Variants in ZNF469 observed in about 807,000 individuals in gnomAD.
ZNF469 encodes the protein zinc finger protein 469.
Under a neutral mutation model 1.0 loss-of-function variants are expected in ZNF469, and 1 was observed. The ratio of observed to expected loss-of-function variants is 1.00; its 90% CI spans 0.35 to 4.73. The LOEUF (loss-of-function observed/expected upper bound fraction) is 4.73, where lower values mean the gene tolerates loss of function less well. ZNF469 is among the 30% of genes most tolerant of loss of function. The probability of loss-of-function intolerance (pLI) is 0.16; values close to 1 mark genes in which losing one functional copy is unlikely to be tolerated. For missense variants in ZNF469, 6,100 were observed against 5,356.3 expected (o/e 1.14, Z -4.33); for synonymous variants, 2,703 against 2,363.4 (o/e 1.14, Z -4.17).
the ZNF469 span, among the ~76,000 whole-genome samples, chr16:88,184,471 C>A: frequency 1.3e-5 from 2 of 151,882 alleles, no homozygotes; most frequent in Non-Finnish European, 2.9e-5. Context: ...ACATCGTCTT[C>A]GTTTCCTCTG....
At chr16:88,326,891 G>T in the ZNF469 span, among the ~76,000 whole-genome samples, 1 of 152,150 alleles carries the variant, frequency 6.6e-6, no homozygotes, top group African/African-American at 2.4e-5. Context: ...AGTACCCAAT[G>T]CCCACCTGGC....
chr16:88,222,829 C>T, the ZNF469 span, among the ~76,000 whole-genome samples: 2 of 152,184 alleles, frequency 1.3e-5, no homozygotes, highest in East Asian at 3.9e-4. Context: ...GAACTCCTGG[C>T]CTCAAACGAT....
intron 1 of ZNF469, among the ~76,000 whole-genome samples, chr16:88,388,407 G>A (rs962668732): frequency 6.6e-5 from 10 of 152,252 alleles, no homozygotes; most frequent in Non-Finnish European, 1.0e-4. Flanking sequence ...CCTACCGGCC[G>A]GGCACGGCAG....
At chr16:88,124,273 A>G in the ZNF469 span, among the ~76,000 whole-genome samples, 2 of 151,256 alleles carry the variant, frequency 1.3e-5, no homozygotes, top group African/African-American at 2.4e-5. Flanking sequence ...TCACTCTGTC[A>G]CCCAGGCTGG....
chr16:88,101,184 C>G, the ZNF469 span, among the ~76,000 whole-genome samples: 3 of 152,230 alleles, frequency 2.0e-5, no homozygotes, highest in East Asian at 5.8e-4. Flanking sequence ...ACGATGGTGA[C>G]GATCGCGATG....
chr16:88,187,843 A>G, the ZNF469 span, among the ~76,000 whole-genome samples: 3 of 150,490 alleles, frequency 2.0e-5, no homozygotes, highest in East Asian at 3.9e-4. Context: ...TTCCCTGTTT[A>G]TCTTGGAGTG....
chr16:88,131,968 TC>T, the ZNF469 span, among the ~76,000 whole-genome samples: 3 of 152,172 alleles, frequency 2.0e-5, no homozygotes, highest in Non-Finnish European at 4.4e-5. Context: ...CCCGCGCATC[TC>T]CGGGGCTGCT....
chr16:88,181,321 C>T, the ZNF469 span, among the ~76,000 whole-genome samples: 51 of 151,800 alleles, frequency 3.4e-4, no homozygotes, highest in African/African-American at 1.2e-3. Flanking sequence ...CCACCCGCCT[C>T]GGCCTCCCAA....
rs986749671 is a variant in ZNF469, at chr16:88,434,311, G to A, written c.6841G>A (p.Val2281Met). 64 of 1,550,334 alleles carry A rather than the reference G, an allele frequency of 4.1e-5. 1 individual carries two copies. Among genetic ancestry groups the A allele is most frequent in the Middle Eastern group, 1.7e-4 (1 of 5,992 alleles). ...PPLAGAVSPSVAVRATGLSST... is the reference protein window; with the variant it reads ...PPLAGAVSPSMAVRATGLSST... ...TCTGGCAGGGGCCGTCTCCCCCAGC[G>A]TGGCCGTCAGGGCTACTGGCCTGTC... The change falls in exon 3 of 3, where the codon GTG becomes ATG. Residue 2281 changes from valine to methionine, a missense_variant. Transcript: ENST00000565624.
chr16:88,206,495 A>G, the ZNF469 span, among the ~76,000 whole-genome samples: 6 of 152,154 alleles, frequency 3.9e-5, no homozygotes, highest in Non-Finnish European at 7.3e-5. Context: ...CATGATCGCA[A>G]TCCTGTTACC....
At chr16:88,140,473 A>AGCCATGTAGAAATCGGAGGGT in the ZNF469 span, among the ~76,000 whole-genome samples, 2 of 151,240 alleles carry the variant, frequency 1.3e-5, no homozygotes, top group African/African-American at 4.9e-5. Context: ...GGTAGCACGG[A>AGCCATGTAGAAATCGGAGGGT]AAGTCAGTGA....
the ZNF469 span, among the ~76,000 whole-genome samples, chr16:88,186,022 C>A: frequency 3.3e-5 from 5 of 152,258 alleles, no homozygotes; most frequent in Non-Finnish European, 7.3e-5. Flanking sequence ...GTGCCCCCCT[C>A]CCTCTCACAG....
rs1279489246 is a variant in ZNF469 at position 88,427,918 on chromosome 16, G to GT, written c.449dup (p.Asp151GlyfsTer20). The GT allele has an allele frequency of 6.5e-7, 1 of 1,549,780 alleles. No individual in the cohort carries two copies. The highest frequency in any genetic ancestry group is 1.4e-5 in the African/African-American group (1 of 72,998). ...GCTGGAGGCTGCCCAGCTCCCTGAG[G>GT]TGGACACCCCCCAGGGCCCTGGGAC... On this transcript the variant is annotated frameshift_variant, in exon 3 of 3. Transcript: ENST00000565624. LOFTEE classifies it low-confidence loss of function (END_TRUNC).
At chr16:88,329,949 C>T in the ZNF469 span, among the ~76,000 whole-genome samples, 8 of 152,204 alleles carry the variant, frequency 5.3e-5, no homozygotes, top group African/African-American at 1.7e-4. Context: ...CCCAAAGGAA[C>T]GTAGTCTGAT....
chr16:88,280,852 G>T, the ZNF469 span, among the ~76,000 whole-genome samples: 1 of 151,652 alleles, frequency 6.6e-6, no homozygotes, highest in Non-Finnish European at 1.5e-5. Flanking sequence ...GCTGGTGTCG[G>T]TGCACAGGTT....
the ZNF469 span, among the ~76,000 whole-genome samples, chr16:88,224,156 A>G: frequency 1.3e-5 from 2 of 152,306 alleles, no homozygotes; most frequent in East Asian, 3.9e-4. Flanking sequence ...GGCGCTGAGA[A>G]GGGAGCTGGA....
chr16:88,154,959 G>T, the ZNF469 span, among the ~76,000 whole-genome samples: 1 of 152,224 alleles, frequency 6.6e-6, no homozygotes, highest in African/African-American at 2.4e-5. Context: ...GGGTGGCAGG[G>T]TTCAACCCGT....
chr16:88,186,897 C>T, the ZNF469 span, among the ~76,000 whole-genome samples: 2 of 151,870 alleles, frequency 1.3e-5, no homozygotes, highest in African/African-American at 2.4e-5. Flanking sequence ...AGCTGGCTGC[C>T]GAGATGCAGG....
chr16:88,148,831 C>G, the ZNF469 span, among the ~76,000 whole-genome samples: 1 of 152,158 alleles, frequency 6.6e-6, no homozygotes, highest in South Asian at 2.1e-4. Context: ...CGGCATGGAG[C>G]TGAGCATCCC....
Sources: allele counts gnomAD v4.1 joint callset (sites outside exome capture counted in the v4.1 genomes callset), GRCh38; gene constraint gnomAD v4.1.1; transcripts MANE v1.5; gene names NCBI Gene and HGNC (gene_info 2026-07-23, HGNC 2026-07-21).